GRID2: variants seen among roughly 807,000 people sequenced by gnomAD.
GRID2 encodes the protein glutamate receptor ionotropic, delta-2.
Under a neutral mutation model 114.8 loss-of-function variants are expected in GRID2, and 33 were observed. The ratio of observed to expected loss-of-function variants is 0.29; its 90% CI spans 0.22 to 0.38. The LOEUF is 0.38. Ranked by LOEUF, GRID2 falls within the 10% of genes least tolerant of loss-of-function variation. The probability of loss-of-function intolerance (pLI) is 1.00; values close to 1 mark genes in which losing one functional copy is unlikely to be tolerated. For synonymous variants in GRID2, 505 were observed against 449.9 expected (o/e 1.12, Z -1.55); for missense variants, 1,184 against 1,257.7 (o/e 0.94, Z 0.89).
At position 93,658,295 on chromosome 4, in the gene GRID2, T is replaced by C. The variant is rs566285315; in HGVS notation, c.2360+31860T>C. On this transcript the variant is annotated intron_variant, in intron 14 of 15. Coordinates refer to ENST00000282020, the MANE Select transcript of GRID2 (RefSeq NM_001510.4). ...TTTCAAAAATAGACAAAGATAACAA[T>C]TAGACATATTTGGAGCATCAACAGA... 1.9e-3 allele frequency among the ~76,000 whole-genome samples: 292 copies of C among 152,248 alleles called. 3 individuals carry two copies. The highest frequency in any genetic ancestry group is 3.0e-3 in the Admixed American group (46 of 15,288).
At chr4:93,633,439 C>A (rs1721123922) in intron 14 of GRID2, among the ~76,000 whole-genome samples, 1 of 152,084 alleles carries the variant, frequency 6.6e-6, no homozygotes. Context: ...AGCTCCTGAG[C>A]TCCTTGAGTT....
At chr4:92,494,442 A>G (rs970398207) in intron 1 of GRID2, among the ~76,000 whole-genome samples, 1 of 152,060 alleles carries the variant, frequency 6.6e-6, no homozygotes, top group Non-Finnish European at 1.5e-5. Context: ...ATAGACACAG[A>G]AACATTTAGT....
intron 8 of GRID2, among the ~76,000 whole-genome samples, chr4:93,304,287 C>A (rs1332000588): frequency 6.8e-6 from 1 of 148,146 alleles, no homozygotes; most frequent in East Asian, 2.0e-4. Flanking sequence ...TATAAGAGAA[C>A]CCACTGTTAT....
intron 2 of GRID2, among the ~76,000 whole-genome samples, chr4:92,900,226 G>A (rs1747468865): frequency 6.6e-6 from 1 of 152,178 alleles, no homozygotes; most frequent in Admixed American, 6.5e-5. Flanking sequence ...ACAGCACATT[G>A]CAGGAAGCTA....
At chr4:93,287,167 A>G (rs1753268477) in intron 8 of GRID2, among the ~76,000 whole-genome samples, 1 of 152,204 alleles carries the variant, frequency 6.6e-6, no homozygotes, top group Non-Finnish European at 1.5e-5. Context: ...TAATTGATTA[A>G]GTTGATTACC....
At chr4:92,819,434 G>C (rs1364651520) in intron 2 of GRID2, among the ~76,000 whole-genome samples, 2 of 152,024 alleles carry the variant, frequency 1.3e-5, no homozygotes, top group East Asian at 3.9e-4. Flanking sequence ...AGAGTGAATA[G>C]GGTTTAAAAA....
In GRID2 at chr4:92,798,461, A is replaced by G. The variant is rs540110104; in HGVS notation, c.244+208175A>G. ...CTTGTGATGTCTTTCTGGTATTACC[A>G]TTATTGAATGTTTACAAATTAAAGG... On this transcript the variant is annotated intron_variant, in intron 2 of 15. Coordinates refer to ENST00000282020, the MANE Select transcript of GRID2 (RefSeq NM_001510.4). Among the ~76,000 whole-genome samples, 13 of 152,172 alleles carry G rather than the reference A, an allele frequency of 8.5e-5. No homozygotes were observed. In the South Asian group the frequency reaches 2.7e-3, roughly 32 times the overall value.
At chr4:92,502,907 G>A (rs765388673) in intron 1 of GRID2, among the ~76,000 whole-genome samples, 3 of 151,640 alleles carry the variant, frequency 2.0e-5, no homozygotes, top group Admixed American at 1.3e-4. Context: ...TAGTAGAGAC[G>A]GGGTTTCACC....
intron 8 of GRID2, among the ~76,000 whole-genome samples, chr4:93,339,026 A>T (rs867313809): frequency 8.4e-4 from 128 of 152,312 alleles, no homozygotes; most frequent in Middle Eastern, 6.8e-3. Context: ...AACACCAAGC[A>T]GCCATACAGA....
intron 2 of GRID2, among the ~76,000 whole-genome samples, chr4:92,592,660 G>A (rs1728758903): frequency 6.6e-6 from 1 of 152,048 alleles, no homozygotes; most frequent in Non-Finnish European, 1.5e-5. Flanking sequence ...TTGCCTGATG[G>A]TTTCTGATAC....
chr4:92,344,350 T>G (rs535902476), intron 1 of GRID2, among the ~76,000 whole-genome samples: 1 of 152,324 alleles, frequency 6.6e-6, no homozygotes, highest in South Asian at 2.1e-4. Context: ...GTGAAAGGGC[T>G]TAGAAATTCT....
At chr4:92,976,346 T>A (rs1462256352) in intron 2 of GRID2, among the ~76,000 whole-genome samples, 2 of 151,952 alleles carry the variant, frequency 1.3e-5, no homozygotes, top group Non-Finnish European at 2.9e-5. Flanking sequence ...ATGATATATA[T>A]CTCATGCATG....
chr4:92,352,921 A>G (rs1355059301), intron 1 of GRID2, among the ~76,000 whole-genome samples: 1 of 151,860 alleles, frequency 6.6e-6, no homozygotes, highest in East Asian at 1.9e-4. Flanking sequence ...TGTGTCTTCC[A>G]TCAAGTTTGA....
intron 2 of GRID2, among the ~76,000 whole-genome samples, chr4:93,027,345 G>A (rs1560807900): frequency 6.6e-6 from 1 of 151,980 alleles, no homozygotes; most frequent in Non-Finnish European, 1.5e-5. Context: ...ATTCTCAAAG[G>A]AAGCATTGAA....
intron 3 of GRID2, among the ~76,000 whole-genome samples, chr4:93,103,928 A>G (rs918760234): frequency 8.7e-6 from 1 of 115,006 alleles, no homozygotes; most frequent in African/African-American, 3.3e-5. Context: ...TTTTTTTTTT[A>G]AGTTTCAGCT....
chr4:92,711,126 A>T (rs546549451), intron 2 of GRID2, among the ~76,000 whole-genome samples: 20 of 152,204 alleles, frequency 1.3e-4, no homozygotes, highest in South Asian at 6.2e-4. Context: ...CTATTTTTTT[A>T]AAAAATGCTA....
intron 14 of GRID2, among the ~76,000 whole-genome samples, chr4:93,729,583 T>C (rs1730290394): frequency 6.6e-6 from 1 of 152,034 alleles, no homozygotes; most frequent in Non-Finnish European, 1.5e-5. Flanking sequence ...TCTCACTTTG[T>C]TGCACAGGCT....
intron 10 of GRID2, among the ~76,000 whole-genome samples, chr4:93,454,309 T>C (rs1445260309): frequency 6.6e-6 from 1 of 152,092 alleles, no homozygotes; most frequent in Non-Finnish European, 1.5e-5. Flanking sequence ...GGAAAATGAA[T>C]GATAGCTGCA....
rs111353183 is a variant in GRID2, at chr4:93,763,507, C to G, written c.2361-5703C>G. ...GTTTAGAGGAAACATATTGATGAGA[C>G]GTTTACTCAGGGTTTAAGAAATCTC... On this transcript the variant is annotated intron_variant, in intron 14 of 15. Coordinates refer to ENST00000282020, the MANE Select transcript of GRID2 (RefSeq NM_001510.4). 7.0e-3 allele frequency among the ~76,000 whole-genome samples: 1,061 copies of G among 152,250 alleles called. 14 individuals are homozygous for G. The highest frequency in any genetic ancestry group is 0.024 in the African/African-American group (1,013 of 41,550).
Sources: allele counts gnomAD v4.1 joint callset (sites outside exome capture counted in the v4.1 genomes callset), GRCh38; gene constraint gnomAD v4.1.1; transcripts MANE v1.5; gene names NCBI Gene and HGNC (gene_info 2026-07-23, HGNC 2026-07-21).